SORCS1: variants seen among roughly 807,000 people sequenced by gnomAD.
SORCS1 encodes VPS10 domain-containing receptor SorCS1.
Under a neutral mutation model 146.1 loss-of-function variants are expected in SORCS1, and 60 were observed. That is an observed-to-expected ratio of 0.41 (90% CI 0.33 to 0.51). The LOEUF is 0.51. Among genes scored for constraint, SORCS1 ranks in the 20% least tolerant of loss-of-function variants. The pLI, the probability that SORCS1 is intolerant of heterozygous loss-of-function variation, is 0.21. For missense variants in SORCS1, 1,352 were observed against 1,487.6 expected (o/e 0.91, Z 1.50); for synonymous variants, 637 against 584.0 (o/e 1.09, Z -1.31).
intron 2 of SORCS1, among the ~76,000 whole-genome samples, chr10:106,879,121 G>A (rs987753073): frequency 6.7e-6 from 1 of 148,780 alleles, no homozygotes; most frequent in African/African-American, 2.5e-5. Flanking sequence ...CTGCACTCCA[G>A]CCTGGGCGAC....
chr10:106,779,603 T>G, intron 3 of SORCS1, among the ~76,000 whole-genome samples: 1 of 148,840 alleles, frequency 6.7e-6, no homozygotes, highest in South Asian at 2.2e-4. Context: ...CAGGCTGTAA[T>G]GCAGTGACAC....
Position 106,969,775 on chromosome 10 carries a change from C to T in SORCS1, c.559-13195G>A, listed in dbSNP as rs1379076041. Among the ~76,000 whole-genome samples, 5 of 152,298 alleles carry T rather than the reference C, an allele frequency of 3.3e-5. No homozygotes were observed. In the East Asian group the frequency reaches 7.7e-4, roughly 23 times the overall value. The stretch of plus-strand genomic sequence containing the variant: ...TTCCACCCTGGCTTCCTCTCTCCAC[C>T]TGGAACAATCGACACCTCCTCAAAC... On this transcript the variant is annotated intron_variant, in intron 1 of 25. Transcript: ENST00000263054.
At chr10:106,837,498 G>T (rs75545900) in intron 2 of SORCS1, among the ~76,000 whole-genome samples, 5,745 of 151,274 alleles carry the variant, frequency 0.038, 294 homozygotes, top group East Asian at 0.24. Flanking sequence ...AGTACTGCTT[G>T]ACACTCACTT....
chr10:106,901,080 G>T (rs1269814047), intron 2 of SORCS1, among the ~76,000 whole-genome samples: 1 of 152,092 alleles, frequency 6.6e-6, no homozygotes, highest in East Asian at 1.9e-4. Context: ...TCTGGAGAAG[G>T]ATTATAGCCC....
rs1408635179 is a variant in SORCS1, at chr10:106,667,420, G to A, written c.2303+269C>T. 2.0e-5 allele frequency: 7 copies of A among 357,010 alleles called. No individual in the cohort carries two copies. In the East Asian group the frequency reaches 2.2e-4, roughly 11 times the overall value. 22.1% of individuals were successfully genotyped at this position (357,010 alleles called of 1,614,324 possible). On this transcript the variant is annotated intron_variant, in intron 17 of 25. Coordinates refer to ENST00000263054, the MANE Select transcript of SORCS1 (RefSeq NM_052918.5). ...TTAAATAGCTTGAAAACAAAGTGTC[G>A]AGAAAATGAAGACACTTTTAATATC...
At chr10:106,696,046 T>C (rs1271802865) in intron 9 of SORCS1, among the ~76,000 whole-genome samples, 2 of 152,308 alleles carry the variant, frequency 1.3e-5, no homozygotes, top group East Asian at 3.9e-4. Flanking sequence ...GATACACAGA[T>C]CCATCTACAT....
intron 1 of SORCS1, among the ~76,000 whole-genome samples, chr10:107,162,557 T>A (rs75129847): frequency 0.011 from 1,724 of 152,314 alleles, 32 homozygotes; most frequent in African/African-American, 0.039. Context: ...AATCACAGAC[T>A]CTGTCATGAA....
chr10:107,060,183 A>G lies in SORCS1; in HGVS notation c.559-103603T>C, dbSNP rs1961048000. Among the ~76,000 whole-genome samples the G allele has an allele frequency of 6.6e-6, 1 of 152,078 alleles. No individual in the cohort carries two copies. The highest frequency in any genetic ancestry group is 1.5e-5 in the Non-Finnish European group (1 of 67,998). On this transcript the variant is annotated intron_variant, in intron 1 of 25. Transcript: ENST00000263054. The surrounding 1 kb of genome is among the most constrained non-coding windows in gnomAD (Gnocchi z 4.1). ...TACACATGCACACTGGAATATTAAA[A>G]TGTAGACAGAAGGATGGAAATGACA...
chr10:106,761,615 T>A lies in SORCS1; in HGVS notation c.932A>T (p.Glu311Val). ...GTAGAACCTGTTTGGTACAACCCCT[T>A]CTTGGATAAGCTGCCATCTTCTCCC... Reference protein sequence around the residue: ...EFGRRWQLIQEGVVPNRFYWS... With the variant: ...EFGRRWQLIQVGVVPNRFYWS... Residue 311 changes from glutamate to valine, a missense_variant, in exon 5 of 26, where the codon GAA becomes GTA. Physicochemically the swap from Glu to Val is moderately radical, Grantham distance 121. Transcript: ENST00000263054. 6.2e-7 allele frequency: 1 copy of A among 1,614,196 alleles called. No individual in the cohort carries two copies. Among genetic ancestry groups the A allele is most frequent in the Non-Finnish European group, 8.5e-7 (1 of 1,180,018 alleles).
chr10:106,624,280 ATGT>A (rs1284987297), intron 19 of SORCS1, among the ~76,000 whole-genome samples: 4 of 151,226 alleles, frequency 2.6e-5, no homozygotes, highest in Admixed American at 6.6e-5. Context: ...GATGCCTGCC[ATGT>A]TTGAGAAATT....
Position 106,766,058 on chromosome 10 carries a change from C to T in SORCS1, c.886-4397G>A, listed in dbSNP as rs973696528. 3.9e-5 allele frequency among the ~76,000 whole-genome samples: 6 copies of T among 152,286 alleles called. No individual in the cohort carries two copies. The East Asian group carries it at 9.7e-4, about 25-fold the overall frequency. ...ATGTTGTTCACCACAAAGCTTCCCA[C>T]GGTGGCTTCCCCGGTCAAGGGGTAG... is the stretch of plus-strand genomic sequence containing the variant. On this transcript the variant is annotated intron_variant, in intron 4 of 25. Transcript: ENST00000263054.
intron 1 of SORCS1, among the ~76,000 whole-genome samples, chr10:106,982,621 A>C (rs891148729): frequency 2.6e-5 from 4 of 152,190 alleles, no homozygotes; most frequent in Non-Finnish European, 4.4e-5. Context: ...TCAACCGTTA[A>C]GACAAACTCT....
intron 2 of SORCS1, among the ~76,000 whole-genome samples, chr10:106,898,975 T>C (rs1951593596): frequency 6.6e-6 from 1 of 152,226 alleles, no homozygotes. Context: ...CTCTAGTTTA[T>C]AGATTAATTG....
At chr10:107,127,293 T>G (rs1966766565) in intron 1 of SORCS1, among the ~76,000 whole-genome samples, 1 of 152,070 alleles carries the variant, frequency 6.6e-6, no homozygotes, top group Admixed American at 6.5e-5. Flanking sequence ...AATGCACTTC[T>G]GCTTGAATAT....
intron 2 of SORCS1, among the ~76,000 whole-genome samples, chr10:106,876,381 T>C (rs947741143): frequency 2.1e-4 from 32 of 152,342 alleles, no homozygotes; most frequent in Admixed American, 9.8e-4. Context: ...TAAAATTCAC[T>C]ATTTATAGCA....
In SORCS1 at chr10:106,597,389, C is replaced by T. The variant is rs746140626; in HGVS notation, c.3227G>A (p.Gly1076Glu). Reference sequence around the variant, plus strand: ...AGCAGCATGGACAAGGACTCGGACTCCTGGCTTCAGCTCGAAGTGTACTGA... The same window carrying T: ...AGCAGCATGGACAAGGACTCGGACTTCTGGCTTCAGCTCGAAGTGTACTGA... ...QNSVHFELKP[G>E]VRVLVHAAHL... The change falls in exon 24 of 26, where the codon GGA becomes GAA. Residue 1076 changes from glycine to glutamate, a missense_variant. Physicochemically the swap from Gly to Glu is moderately conservative, Grantham distance 98 (BLOSUM62 -2). Around this residue, in one of 3 missense-constraint regions of SORCS1, gnomAD observed 214 missense variants for 204.8 expected, o/e 1.05. Transcript: ENST00000263054. 6.2e-7 allele frequency: 1 copy of T among 1,614,036 alleles called. No individual in the cohort carries two copies. The highest frequency in any genetic ancestry group is 8.5e-7 in the Non-Finnish European group (1 of 1,179,916).
chr10:106,951,307 C>A (rs1167623001), intron 2 of SORCS1, among the ~76,000 whole-genome samples: 2 of 151,924 alleles, frequency 1.3e-5, no homozygotes, highest in Admixed American at 1.3e-4. Context: ...GTCAGGAGAT[C>A]GAGACCATCC....
intron 24 of SORCS1, among the ~76,000 whole-genome samples, chr10:106,591,048 A>G (rs1429986316): frequency 6.6e-6 from 1 of 152,194 alleles, no homozygotes; most frequent in Admixed American, 6.5e-5. Context: ...GAAGATGTGA[A>G]GAAGGTTTGG....
rs1321226524 is a variant in SORCS1 at position 106,576,285 on chromosome 10, CA to C, written c.*1134del. The C allele has an allele frequency of 1.3e-5, 2 of 152,738 alleles. No individual in the cohort carries two copies. Among genetic ancestry groups the C allele is most frequent in the Admixed American group, 1.3e-4 (2 of 15,294 alleles). The allele number at this position is 152,738 out of a possible 1,614,324, so 9.5% of individuals were successfully genotyped here. A position where few individuals can be genotyped will look rare whatever the true frequency, so the allele number is the denominator to read the frequency against. ...CTCAGAAACTTGTGAGTAGTGGGGG[CA>C]GGGGCGGCACAGGCCAGGCCAGTAT... On this transcript the variant is annotated 3_prime_UTR_variant, in exon 26 of 26. Coordinates refer to ENST00000263054, the MANE Select transcript of SORCS1 (RefSeq NM_052918.5).
Sources: allele counts gnomAD v4.1 joint callset (sites outside exome capture counted in the v4.1 genomes callset), GRCh38; gene constraint gnomAD v4.1.1; regional missense constraint gnomAD v4.1.1; non-coding constraint Gnocchi (gnomAD v3.1); transcripts MANE v1.5; gene names NCBI Gene and HGNC (gene_info 2026-07-23, HGNC 2026-07-21).